ROBO1: variants seen among roughly 807,000 people sequenced by gnomAD.
The protein encoded by ROBO1 is roundabout homolog 1.
A neutral mutation model predicts 195.9 loss-of-function variants in ROBO1; 149 were observed. That is an observed-to-expected ratio of 0.76 (90% CI 0.67 to 0.87). ROBO1 has a LOEUF of 0.87. Among genes scored for constraint, ROBO1 ranks in the 40% least tolerant of loss-of-function variants. The pLI, the probability that ROBO1 is intolerant of heterozygous loss-of-function variation, is 0.00. For synonymous variants in ROBO1, 816 were observed against 733.2 expected (o/e 1.11, Z -1.82); for missense variants, 1,933 against 2,068.3 (o/e 0.93, Z 1.27).
rs1393986433 is a variant in ROBO1 at position 78,730,540 on chromosome 3, ACT to A, written c.658-12659_658-12658del. Among the ~76,000 whole-genome samples, 2 of 64,538 alleles carry A rather than the reference ACT, an allele frequency of 3.1e-5. 1 individual carries two copies. Among genetic ancestry groups the A allele is most frequent in the Non-Finnish European group, 1.1e-4 (2 of 17,804 alleles). The allele number at this position is 64,538 out of a possible 152,430, so 42.3% of individuals were successfully genotyped here. A position where few individuals can be genotyped will look rare whatever the true frequency, so the allele number is the denominator to read the frequency against. On this transcript the variant is annotated intron_variant, in intron 5 of 30. Transcript: ENST00000464233. ...AAAATAGCTACAAATTGAAGTAAAC[ACT>A]CACACACATTCTGTGGTATTTTAAT...
rs564057235 is a variant in ROBO1 at position 78,695,495 on chromosome 3, C to T, written c.1046-6723G>A. On this transcript the variant is annotated intron_variant, in intron 8 of 30. Coordinates refer to ENST00000464233, the MANE Select transcript of ROBO1 (RefSeq NM_002941.4). ...AAAAAGTTACCCAGGCGCGGTGGCA[C>T]GCACCTGCAGTCCCAGCTACTTGGG... is the stretch of plus-strand genomic sequence containing the variant. 2.7e-4 allele frequency among the ~76,000 whole-genome samples: 41 copies of T among 151,694 alleles called. 1 individual carries two copies. In the South Asian group the frequency reaches 8.3e-3, roughly 31 times the overall value.
intron 3 of ROBO1, among the ~76,000 whole-genome samples, chr3:78,966,176 G>C (rs533466911): frequency 1.2e-4 from 18 of 152,260 alleles, no homozygotes; most frequent in African/African-American, 4.3e-4. Context: ...AGGTGGAATA[G>C]CTGCACTCCA....
chr3:79,094,676 T>A (rs1484690026), intron 3 of ROBO1, among the ~76,000 whole-genome samples: 1 of 152,146 alleles, frequency 6.6e-6, no homozygotes, highest in African/African-American at 2.4e-5. Flanking sequence ...AAAATATTTA[T>A]CTCTGAATTT....
intron 2 of ROBO1, among the ~76,000 whole-genome samples, chr3:79,502,463 A>T (rs950346635): frequency 1.3e-5 from 2 of 151,892 alleles, no homozygotes; most frequent in Admixed American, 1.3e-4. Flanking sequence ...AGGGCTCGGG[A>T]CCTGTAGCCC....
intron 2 of ROBO1, among the ~76,000 whole-genome samples, chr3:79,236,314 T>G (rs982733716): frequency 1.3e-5 from 2 of 152,166 alleles, no homozygotes; most frequent in African/African-American, 4.8e-5. Context: ...CACTTCAATG[T>G]CATGGCAATT....
chr3:79,253,491 C>T (rs998868985), intron 2 of ROBO1, among the ~76,000 whole-genome samples: 11 of 152,190 alleles, frequency 7.2e-5, no homozygotes, highest in Non-Finnish European at 1.5e-4. Flanking sequence ...AGCTGCTAGG[C>T]CTACTTGCTA....
At chr3:79,198,525 T>C (rs1474858216) in intron 2 of ROBO1, among the ~76,000 whole-genome samples, 1 of 152,106 alleles carries the variant, frequency 6.6e-6, no homozygotes, top group Non-Finnish European at 1.5e-5. Flanking sequence ...ATGAGGGGTC[T>C]TTTTTGGTTC....
intron 2 of ROBO1, among the ~76,000 whole-genome samples, chr3:79,394,154 G>GA (rs546260664): frequency 5.3e-5 from 8 of 149,550 alleles, no homozygotes; most frequent in African/African-American, 1.7e-4. Context: ...AAAAGATTTT[G>GA]AAAAAAAAAC....
chr3:79,231,286 C>T (rs1054161286), intron 2 of ROBO1, among the ~76,000 whole-genome samples: 3 of 151,930 alleles, frequency 2.0e-5, no homozygotes, highest in African/African-American at 7.2e-5. Context: ...AGATAACCTA[C>T]AAAATAGGAA....
At chr3:79,367,554 T>A (rs573535974) in intron 2 of ROBO1, among the ~76,000 whole-genome samples, 1 of 152,342 alleles carries the variant, frequency 6.6e-6, no homozygotes, top group East Asian at 1.9e-4. Flanking sequence ...CTACCCATCG[T>A]TCGTTAAAAT....
intron 2 of ROBO1, among the ~76,000 whole-genome samples, chr3:79,212,230 A>G (rs539185642): frequency 3.3e-5 from 5 of 152,218 alleles, no homozygotes; most frequent in African/African-American, 1.2e-4. Flanking sequence ...TGCTGCAGAG[A>G]TTTAGTTTAT....
chr3:79,160,188 A>C (rs2080930786), intron 2 of ROBO1, among the ~76,000 whole-genome samples: 1 of 151,880 alleles, frequency 6.6e-6, no homozygotes, highest in African/African-American at 2.4e-5. Context: ...TTGATTTCTC[A>C]AGCGTTGATG....
At chr3:79,492,247 A>C (rs1237168940) in intron 2 of ROBO1, among the ~76,000 whole-genome samples, 2 of 152,046 alleles carry the variant, frequency 1.3e-5, no homozygotes, top group Non-Finnish European at 2.9e-5. Context: ...CAACGTGGTG[A>C]AACCCCGTCT....
chr3:78,821,696 A>G lies in ROBO1; in HGVS notation c.500-74796T>C, dbSNP rs537485525. On this transcript the variant is annotated intron_variant, in intron 4 of 30. Coordinates refer to ENST00000464233, the MANE Select transcript of ROBO1 (RefSeq NM_002941.4). ...TTCCCAGCTCTCATAACAGCACATG[A>G]GTATTTGGATTTGGCCCAAAGAGAT... Among the ~76,000 whole-genome samples, 54 of 152,282 alleles carry G rather than the reference A, an allele frequency of 3.5e-4. 2 individuals are homozygous for G. In the South Asian group the frequency reaches 9.3e-3, roughly 26 times the overall value.
At chr3:78,656,016 G>A (rs906076002) in intron 18 of ROBO1, among the ~76,000 whole-genome samples, 1 of 151,778 alleles carries the variant, frequency 6.6e-6, no homozygotes, top group East Asian at 1.9e-4. Flanking sequence ...TCATTGTTTT[G>A]TTATTGTTTG....
At chr3:79,334,311 A>ATATATATAT (rs1553721942) in intron 2 of ROBO1, among the ~76,000 whole-genome samples, 4 of 131,750 alleles carry the variant, frequency 3.0e-5, no homozygotes, top group African/African-American at 1.2e-4. Flanking sequence ...AAAAAAAAAA[A>ATATATATAT]ATATATATAT....
At chr3:79,069,079 T>G (rs927579086) in intron 3 of ROBO1, among the ~76,000 whole-genome samples, 7 of 152,018 alleles carry the variant, frequency 4.6e-5, no homozygotes, top group South Asian at 4.1e-4. Flanking sequence ...ATTAAAATTC[T>G]AGTTTTTAAT....
chr3:78,639,493 T>C (rs1035322329), intron 22 of ROBO1, among the ~76,000 whole-genome samples: 50 of 152,224 alleles, frequency 3.3e-4, no homozygotes, highest in African/African-American at 1.2e-3. Flanking sequence ...TTATTTTTCC[T>C]ACTTGCTATT....
intron 2 of ROBO1, among the ~76,000 whole-genome samples, chr3:79,536,179 TATAC>T (rs1203523053): frequency 4.6e-5 from 7 of 152,116 alleles, no homozygotes; most frequent in Non-Finnish European, 1.0e-4. Flanking sequence ...AGACTATATA[TATAC>T]ATATATATAT....
Sources: allele counts gnomAD v4.1 joint callset (sites outside exome capture counted in the v4.1 genomes callset), GRCh38; gene constraint gnomAD v4.1.1; transcripts MANE v1.5; gene names NCBI Gene and HGNC (gene_info 2026-07-23, HGNC 2026-07-21).